MYO3B: variants seen among roughly 807,000 people sequenced by gnomAD.
MYO3B encodes myosin IIIB, also known as myosin-IIIb.
Under a neutral mutation model 174.6 loss-of-function variants are expected in MYO3B, and 156 were observed. That is an observed-to-expected ratio of 0.89 (90% confidence interval 0.78 to 1.02). The LOEUF (loss-of-function observed/expected upper bound fraction) is 1.02, where lower values mean the gene tolerates loss of function less well. Among genes scored for constraint, MYO3B ranks in the 50% least tolerant of loss-of-function variants. The probability of loss-of-function intolerance (pLI) is 0.00; values close to 1 mark genes in which losing one functional copy is unlikely to be tolerated. For synonymous variants in MYO3B, 563 were observed against 569.1 expected, an observed-to-expected ratio of 0.99 and a Z score of 0.15; for missense variants, 1,632 against 1,639.4, an observed-to-expected ratio of 1.00 and a Z score of 0.08.
At chr2:170,200,025 G>A in intron 2 of MYO3B, 125 bp from the exon 3 acceptor site, 6 of 778,850 alleles carry the variant, frequency 7.7e-6, no homozygotes, top group Non-Finnish European at 1.2e-5. Context: ...TATTTTGAAG[G>A]TATGGTAATG....
At chr2:170,182,784 T>C (rs1466138186) in intron 1 of MYO3B, among the ~76,000 whole-genome samples, 1 of 151,974 alleles carries the variant, frequency 6.6e-6, no homozygotes, top group African/African-American at 2.4e-5. Context: ...CTAAGTTTTC[T>C]GTTTTTAGTA....
At chr2:170,222,162 CT>C (rs940442275) in intron 6 of MYO3B, among the ~76,000 whole-genome samples, 4 of 152,108 alleles carry the variant, frequency 2.6e-5, no homozygotes, top group Non-Finnish European at 4.4e-5. Flanking sequence ...CTTCATTGTT[CT>C]GGGACTGACT....
At chr2:170,634,970 T>C (rs1335941945) in intron 32 of MYO3B, among the ~76,000 whole-genome samples, 1 of 152,188 alleles carries the variant, frequency 6.6e-6, no homozygotes, top group East Asian at 1.9e-4. Context: ...CAACAGGTGC[T>C]GGAGAGGATG....
chr2:170,510,554 G>T (rs1016442061), intron 28 of MYO3B, among the ~76,000 whole-genome samples: 1 of 152,162 alleles, frequency 6.6e-6, no homozygotes, highest in African/African-American at 2.4e-5. Context: ...CAGAACCTCA[G>T]AATGTGACTT....
At chr2:170,625,704 T>G (rs1696355605) in intron 32 of MYO3B, among the ~76,000 whole-genome samples, 1 of 151,928 alleles carries the variant, frequency 6.6e-6, no homozygotes, top group Non-Finnish European at 1.5e-5. Flanking sequence ...GCTATAAGTT[T>G]CCCTCTACAC....
intron 7 of MYO3B, among the ~76,000 whole-genome samples, chr2:170,267,692 G>A (rs911014099): frequency 2.0e-5 from 3 of 152,116 alleles, no homozygotes; most frequent in Admixed American, 2.0e-4. Context: ...AGTTTATCTT[G>A]TAGAAACTTT....
intron 14 of MYO3B, among the ~76,000 whole-genome samples, chr2:170,388,336 T>G (rs553637037): frequency 1.3e-5 from 2 of 152,062 alleles, no homozygotes; most frequent in South Asian, 4.2e-4. Context: ...GAAAGCAAAG[T>G]AGGTGCTATT....
At chr2:170,220,040 C>T (rs200652795) in intron 6 of MYO3B, among the ~76,000 whole-genome samples, 17 of 152,232 alleles carry the variant, frequency 1.1e-4, no homozygotes, top group Middle Eastern at 3.4e-3. Context: ...GGGCAGATCA[C>T]GAGGTCAGGA....
intron 32 of MYO3B, among the ~76,000 whole-genome samples, chr2:170,545,058 G>A (rs556939308): frequency 1.1e-3 from 169 of 152,246 alleles, no homozygotes; most frequent in African/African-American, 3.9e-3. Context: ...TATATTTAAT[G>A]TGATTATTGA....
chr2:170,583,873 A>G (rs956459520), intron 32 of MYO3B, among the ~76,000 whole-genome samples: 4 of 152,198 alleles, frequency 2.6e-5, no homozygotes, highest in African/African-American at 9.6e-5. Context: ...TCCATCTTGA[A>G]GATGTGATTT....
At chr2:170,277,989 T>C (rs975642569) in intron 7 of MYO3B, among the ~76,000 whole-genome samples, 3 of 152,318 alleles carry the variant, frequency 2.0e-5, no homozygotes, top group South Asian at 2.1e-4. Flanking sequence ...TAGGTTAAGA[T>C]AGAGACATTT....
intron 22 of MYO3B, among the ~76,000 whole-genome samples, chr2:170,423,815 G>A (rs2094638495): frequency 6.6e-6 from 1 of 152,118 alleles, no homozygotes; most frequent in Admixed American, 6.5e-5. Context: ...TCTTTACTTC[G>A]TGATCCGCCT....
In MYO3B at chr2:170,499,677, T is replaced by C. The variant is rs1443300461; in HGVS notation, c.3158T>C (p.Leu1053Ser). 1.2e-6 allele frequency: 2 copies of C among 1,613,984 alleles called. No individual in the cohort carries two copies. The highest frequency in any genetic ancestry group is 2.7e-5 in the African/African-American group (2 of 74,914). ...VFLKYYHVEQLNLLLREVIGR... is the reference protein window; with the variant it reads ...VFLKYYHVEQSNLLLREVIGR... ...CTCAAATATTACCATGTTGAGCAAT[T>C]AAATTTGCTGCTTCGAGAAGTCATA... Residue 1053 changes from leucine (L) to serine (S), a missense_variant, in exon 27 of 35, where the codon TTA (leucine) becomes TCA (serine). By Grantham distance (145) the Leu-to-Ser change is moderately radical. Coordinates refer to ENST00000408978, the MANE Select transcript of MYO3B (RefSeq NM_138995.5).
chr2:170,234,847 G>T (rs2093053483), intron 6 of MYO3B, among the ~76,000 whole-genome samples: 1 of 152,116 alleles, frequency 6.6e-6, no homozygotes, highest in Admixed American at 6.5e-5. Context: ...CCTAGAATCT[G>T]ATTATTTCTC....
intron 14 of MYO3B, 56 bp downstream of exon 14, chr2:170,387,364 T>C (rs1263015333): frequency 2.6e-6 from 4 of 1,522,602 alleles, no homozygotes; most frequent in Non-Finnish European, 2.7e-6. Context: ...CTGGGAGACT[T>C]TGGAAATTTT....
chr2:170,337,003 C>T (rs1025151879), intron 8 of MYO3B, among the ~76,000 whole-genome samples: 5 of 151,514 alleles, frequency 3.3e-5, no homozygotes, highest in African/African-American at 4.9e-5. Flanking sequence ...GAGGGTATCT[C>T]GTTGCCCCTT....
At chr2:170,572,244 A>G (rs1467580740) in intron 32 of MYO3B, among the ~76,000 whole-genome samples, 2 of 152,126 alleles carry the variant, frequency 1.3e-5, no homozygotes, top group Non-Finnish European at 1.5e-5. Context: ...CCTGACCAAC[A>G]TGGTGAAACC....
chr2:170,270,635 T>A (rs1342957684), intron 7 of MYO3B, among the ~76,000 whole-genome samples: 1 of 152,162 alleles, frequency 6.6e-6, no homozygotes, highest in African/African-American at 2.4e-5. Context: ...TGCCCTGCCC[T>A]GTATAGAAGC....
intron 34 of MYO3B, 134 bp from the exon 35 acceptor site, chr2:170,652,849 T>A: frequency 1.1e-6 from 1 of 906,854 alleles, no homozygotes. Context: ...CTGAGCTACC[T>A]AGGAGCTGTC....
Sources: allele counts gnomAD v4.1 joint callset (sites outside exome capture counted in the v4.1 genomes callset), GRCh38; gene constraint gnomAD v4.1.1; transcripts MANE v1.5; gene names NCBI Gene and HGNC (gene_info 2026-07-23, HGNC 2026-07-21).